PTH: variants seen among roughly 807,000 people sequenced by gnomAD.
PTH encodes parathormone.
PTH carries 7 observed loss-of-function variants against 7.4 expected under a neutral mutation model. The ratio of observed to expected loss-of-function variants is 0.94; its 90% CI spans 0.53 to 1.77. The LOEUF (loss-of-function observed/expected upper bound fraction) is 1.77, where lower values mean the gene tolerates loss of function less well. PTH is among the 40% of genes most tolerant of loss of function. PTH has a pLI of 0.00. For synonymous variants in PTH, 51 were observed against 46.6 expected (o/e 1.09, Z -0.39); for missense variants, 128 against 137.1 (o/e 0.93, Z 0.33).
rs1565290527 is a variant in PTH, at chr11:13,492,794, G to A, written c.62C>T (p.Thr21Ile). The A allele has an allele frequency of 6.2e-7, 1 of 1,613,818 alleles. No homozygotes were observed. The highest frequency in any genetic ancestry group is 1.3e-5 in the African/African-American group (1 of 74,910). Residue 21 changes from threonine (T) to isoleucine (I), a missense_variant, in exon 2 of 3, where the codon ACA becomes ATA. Physicochemically the swap from Thr to Ile is moderately conservative, Grantham distance 89. Coordinates refer to ENST00000282091, the MANE Select transcript of PTH (RefSeq NM_000315.4). ...CTTAACAGATTTCCCATCCGATTTT[G>A]TAAGAAAACAAATTGCCAACATGAC... The part of the protein sequence containing the change: ...MIVMLAICFL[T>I]KSDGKSVKKR...
chr11:13,492,912 A>C, intron 1 of PTH, 52 bp from the exon 2 acceptor site: 1 of 1,471,304 alleles, frequency 6.8e-7, no homozygotes, highest in Non-Finnish European at 9.3e-7. Flanking sequence ...AATATTCCAA[A>C]CTATAGTACA....
rs768367860 is a variant in PTH at position 13,492,601 on chromosome 11, C to G, written c.152G>C (p.Arg51Thr). Reference protein sequence around the residue: ...NLGKHLNSMERVEWLRKKLQD... With the variant: ...NLGKHLNSMETVEWLRKKLQD... ...CAGCTTCTTACGCAGCCATTCTACT[C>G]TCTCCATCGAGTTCAGATGTTTTCC... is the stretch of plus-strand genomic sequence containing the variant. Residue 51 changes from arginine (R) to threonine (T), a missense_variant, in exon 3 of 3, where the codon AGA becomes ACA. Coordinates refer to ENST00000282091, the MANE Select transcript of PTH (RefSeq NM_000315.4). The G allele has an allele frequency of 6.2e-7, 1 of 1,614,184 alleles. No homozygotes were observed. Among genetic ancestry groups the G allele is most frequent in the South Asian group, 1.1e-5 (1 of 91,086 alleles).
At chr11:13,492,956 C>T (rs1275152368) in intron 1 of PTH, 96 bp from the exon 2 acceptor site, 38 of 1,138,070 alleles carry the variant, frequency 3.3e-5, no homozygotes, top group Non-Finnish European at 4.7e-5. Flanking sequence ...GGTTGGTTTT[C>T]ACGAGAAGCT....
At chr11:13,495,110 T>C (rs1847523321) in intron 1 of PTH, among the ~76,000 whole-genome samples, 1 of 152,202 alleles carries the variant, frequency 6.6e-6, no homozygotes, top group African/African-American at 2.4e-5. Flanking sequence ...ATTTCGAGCT[T>C]TATCTCTGAA....
At position 13,492,283 on chromosome 11, in the gene PTH, C is replaced by T; in HGVS notation, c.*122G>A. The stretch of plus-strand genomic sequence containing the variant: ...AGTTATCATGGCTAGTGATGGATTA[C>T]ATGTAGTTTGTTATATCAGAAATAT... On this transcript the variant is annotated 3_prime_UTR_variant, in exon 3 of 3. Transcript: ENST00000282091. 8.3e-7 allele frequency: 1 copy of T among 1,207,100 alleles called. No individual in the cohort carries two copies. The highest frequency in any genetic ancestry group is 1.3e-5 in the South Asian group (1 of 74,768). 74.8% of individuals were successfully genotyped at this position (1,207,100 alleles called of 1,614,324 possible). A position where few individuals can be genotyped will look rare whatever the true frequency, so the allele number is the denominator to read the frequency against.
Position 13,492,483 on chromosome 11 carries a change from C to A in PTH, c.270G>T (p.Leu90Phe), listed in dbSNP as rs1281273724. The change falls in exon 3 of 3, where the codon TTG becomes TTT. Residue 90 changes from leucine (L) to phenylalanine (F), a missense_variant. Transcript: ENST00000282091. ...CAAGACTTTTTTCATGGCTCTCAAC[C>A]AAGACATTGTCTTCCTTTTTTCGGG... ...QRPRKKEDNVLVESHEKSLGE... is the reference protein window; with the variant it reads ...QRPRKKEDNVFVESHEKSLGE... The A allele has an allele frequency of 3.1e-6, 5 of 1,614,140 alleles. No homozygotes were observed. In the East Asian group the frequency reaches 1.1e-4, roughly 36 times the overall value.
chr11:13,492,691 G>A, intron 2 of PTH, 25 bp from the exon 3 acceptor site: 3 of 1,613,972 alleles, frequency 1.9e-6, no homozygotes, highest in Non-Finnish European at 2.5e-6. Flanking sequence ...AACAGAGAGG[G>A]CCACTTCCCA....
chr11:13,493,834 A>T (rs557956815), intron 1 of PTH, among the ~76,000 whole-genome samples: 50 of 152,168 alleles, frequency 3.3e-4, no homozygotes, highest in Non-Finnish European at 5.1e-4. Flanking sequence ...ATTTTTTTTA[A>T]AAAAGTATTT....
chr11:13,492,438 A>G lies in PTH; in HGVS notation c.315T>C (p.Asp105=). The G allele has an allele frequency of 1.2e-6, 2 of 1,613,980 alleles. No homozygotes were observed. Among genetic ancestry groups the G allele is most frequent in the African/African-American group, 1.3e-5 (1 of 75,052 alleles). The change falls in exon 3 of 3, where the codon GAT becomes GAC. Residue 105 remains aspartate (D), a synonymous_variant. Coordinates refer to ENST00000282091, the MANE Select transcript of PTH (RefSeq NM_000315.4). ...EKSLGEADKA[D]VNVLTKAKSQ is the part of the protein sequence containing the mutation. Reference sequence around the variant, plus strand: ...ATTTAGCTTTAGTTAATACATTCACATCAGCTTTGTCTGCCTCTCCAAGAC... The same window carrying G: ...ATTTAGCTTTAGTTAATACATTCACGTCAGCTTTGTCTGCCTCTCCAAGAC...
Position 13,492,411 on chromosome 11 carries a change from G to T in PTH, c.342C>A (p.Ser114=). Residue 114 remains serine (S), a synonymous_variant, in exon 3 of 3, where the codon TCC becomes TCA. Transcript: ENST00000282091. ...ACAATATCTGTTTTCATTTTCACTGGGATTTAGCTTTAGTTAATACATTCA... is the reference window on the plus strand; with the variant it reads ...ACAATATCTGTTTTCATTTTCACTGTGATTTAGCTTTAGTTAATACATTCA... ...ADVNVLTKAK[S]Q 1 of 1,612,508 alleles carries T rather than the reference G, an allele frequency of 6.2e-7. No homozygotes were observed. The highest frequency in any genetic ancestry group is 8.5e-7 in the Non-Finnish European group (1 of 1,179,986).
intron 1 of PTH, among the ~76,000 whole-genome samples, chr11:13,495,531 T>TC (rs1847527084): frequency 1.3e-5 from 2 of 152,140 alleles, no homozygotes; most frequent in African/African-American, 4.8e-5. Flanking sequence ...AAACAGAATA[T>TC]TAACTCCACT....
chr11:13,495,488 A>C (rs1847526778), intron 1 of PTH, among the ~76,000 whole-genome samples: 1 of 152,202 alleles, frequency 6.6e-6, no homozygotes, highest in South Asian at 2.1e-4. Flanking sequence ...GAGCCATAAA[A>C]TAAATAATCT....
intron 1 of PTH, among the ~76,000 whole-genome samples, chr11:13,494,099 C>A (rs1327578335): frequency 1.3e-5 from 2 of 151,370 alleles, no homozygotes; most frequent in East Asian, 3.9e-4. Flanking sequence ...TTTTTCTTCT[C>A]ATTGCTAAGC....
chr11:13,492,273 T>G lies in PTH; in HGVS notation c.*132A>C. 9.4e-7 allele frequency: 1 copy of G among 1,065,122 alleles called. No individual in the cohort carries two copies. The highest frequency in any genetic ancestry group is 1.4e-6 in the Non-Finnish European group (1 of 732,954). The allele number at this position is 1,065,122 out of a possible 1,614,324, so 66.0% of individuals were successfully genotyped here. Reference sequence around the variant, plus strand: ...TTAAAATTGCAGTTATCATGGCTAGTGATGGATTACATGTAGTTTGTTATA... The same window carrying G: ...TTAAAATTGCAGTTATCATGGCTAGGGATGGATTACATGTAGTTTGTTATA... On this transcript the variant is annotated 3_prime_UTR_variant, in exon 3 of 3. Transcript: ENST00000282091.
chr11:13,492,405 T>C lies in PTH; in HGVS notation c.348A>G (p.Ter116TrpextTer2). ...ACTCTGACAATATCTGTTTTCATTT[T>C]CACTGGGATTTAGCTTTAGTTAATA... ...VNVLTKAKSQ* is the reference protein window; with the variant it reads ...VNVLTKAKSQW Residue 116 changes from the stop codon to tryptophan, a stop_lost, in exon 3 of 3, where the codon TGA (stop) becomes TGG (tryptophan). Transcript: ENST00000282091. The C allele has an allele frequency of 6.2e-7, 1 of 1,611,934 alleles. No homozygotes were observed. The highest frequency in any genetic ancestry group is 1.1e-5 in the South Asian group (1 of 91,084).
chr11:13,492,527 C>G lies in PTH; in HGVS notation c.226G>C (p.Asp76His). The change falls in exon 3 of 3, where the codon GAT becomes CAT. Residue 76 changes from aspartate (D) to histidine (H), a missense_variant. Physicochemically the swap from Asp to His is moderately conservative, Grantham distance 81. Coordinates refer to ENST00000282091, the MANE Select transcript of PTH (RefSeq NM_000315.4). ...VALGAPLAPR[D>H]AGSQRPRKKE... is the part of the protein sequence containing the mutation. ...TTTCGGGGCCTCTGGGAACCAGCATCTCTGGGAGCTAGAGGAGCTCCAAGG... is the reference window on the plus strand; with the variant it reads ...TTTCGGGGCCTCTGGGAACCAGCATGTCTGGGAGCTAGAGGAGCTCCAAGG... The G allele has an allele frequency of 6.2e-7, 1 of 1,614,170 alleles. No individual in the cohort carries two copies. The highest frequency in any genetic ancestry group is 1.1e-5 in the South Asian group (1 of 91,082).
chr11:13,496,047 G>A (rs1213647339), upstream of PTH: 1 of 152,074 alleles, frequency 6.6e-6, no homozygotes, highest in African/African-American at 2.4e-5. Flanking sequence ...CTTACCAAGA[G>A]AGGCTCTTTT....
intron 1 of PTH, among the ~76,000 whole-genome samples, chr11:13,494,571 GC>G (rs1847517192): frequency 6.6e-6 from 1 of 152,132 alleles, no homozygotes; most frequent in Non-Finnish European, 1.5e-5. Context: ...AGGGTCTCTA[GC>G]TTTTTACTTT....
chr11:13,493,904 A>G (rs1228400841), intron 1 of PTH, among the ~76,000 whole-genome samples: 2 of 152,212 alleles, frequency 1.3e-5, no homozygotes, highest in Non-Finnish European at 2.9e-5. Context: ...CGAAGTAGAT[A>G]AAGTCTATCC....
Sources: allele counts gnomAD v4.1 joint callset (sites outside exome capture counted in the v4.1 genomes callset), GRCh38; gene constraint gnomAD v4.1.1; transcripts MANE v1.5; gene names NCBI Gene and HGNC (gene_info 2026-07-23, HGNC 2026-07-21).